The following NRG1 variants were observed in gnomAD, a reference collection of about 807,000 sequenced individuals.
The protein encoded by NRG1 is pro-neuregulin-1, membrane-bound isoform.
A neutral mutation model predicts 63.8 loss-of-function variants in NRG1; 18 were observed. The observed-to-expected ratio is 0.28, with a 90% CI of 0.19 to 0.42. The LOEUF is 0.42. Among genes scored for constraint, NRG1 ranks in the 10% least tolerant of loss-of-function variants. NRG1 has a pLI of 1.00. For missense variants in NRG1, 762 were observed against 814.7 expected, an observed-to-expected ratio of 0.94 and a Z score of 0.79; for synonymous variants, 302 against 301.3, an observed-to-expected ratio of 1.00 and a Z score of -0.02.
chr8:31,703,821 C>T lies in NRG1; in HGVS notation c.37+64390C>T, dbSNP rs551201329. Among the ~76,000 whole-genome samples the T allele has an allele frequency of 2.0e-5, 3 of 152,328 alleles. No homozygotes were observed. In the South Asian group the frequency reaches 6.2e-4, roughly 32 times the overall value. Reference sequence around the variant, plus strand: ...CATACTCAAATATTTGTGCTCTTAGCTTATTGCCACAGAGGAAAAGAGATT... The same window carrying T: ...CATACTCAAATATTTGTGCTCTTAGTTTATTGCCACAGAGGAAAAGAGATT... On this transcript the variant is annotated intron_variant, in intron 1 of 10. Transcript: ENST00000519301.
chr8:32,365,168 G>A (rs1379796891), intron 1 of NRG1, among the ~76,000 whole-genome samples: 2 of 152,012 alleles, frequency 1.3e-5, no homozygotes, highest in Non-Finnish European at 2.9e-5. Flanking sequence ...AATTACAGGC[G>A]AGAGCCAACT....
Position 32,527,820 on chromosome 8 carries a change from G to A in NRG1, c.38-68008G>A, listed in dbSNP as rs184947271. On this transcript the variant is annotated intron_variant, in intron 1 of 10. Coordinates refer to the NRG1 transcript ENST00000519301. ...CCCAGTTGCTTAGGTGGAAATCCAG[G>A]CATTTTCTTTGTTCCTCTTCTTTTT... is the stretch of plus-strand genomic sequence containing the variant. Among the ~76,000 whole-genome samples the A allele has an allele frequency of 7.2e-5, 11 of 152,122 alleles. No homozygotes were observed. The East Asian group carries it at 1.9e-3, about 27-fold the overall frequency.
chr8:32,481,357 T>TAAC (rs1554555255), intron 1 of NRG1, among the ~76,000 whole-genome samples: 1 of 151,038 alleles, frequency 6.6e-6, no homozygotes, highest in Non-Finnish European at 1.5e-5. Context: ...AATAAATAAA[T>TAAC]AAACAAACAA....
Position 32,740,796 on chromosome 8 carries a change from AC to A in NRG1, c.633-1878del, listed in dbSNP as rs746995441. 2.0e-5 allele frequency among the ~76,000 whole-genome samples: 3 copies of A among 152,292 alleles called. No individual in the cohort carries two copies. In the South Asian group the frequency reaches 6.2e-4, roughly 32 times the overall value. Reference sequence around the variant, plus strand: ...AAATGAAATTACCCCTATATTGGTAACAAGGAACAGTTTTGTTCATATCTCT... The same window carrying A: ...AAATGAAATTACCCCTATATTGGTAAAAGGAACAGTTTTGTTCATATCTCT... On this transcript the variant is annotated intron_variant, in intron 6 of 11. Transcript: ENST00000356819.
intron 1 of NRG1, among the ~76,000 whole-genome samples, chr8:31,837,710 C>A (rs1825817731): frequency 6.6e-6 from 1 of 152,040 alleles, no homozygotes; most frequent in African/African-American, 2.4e-5. Context: ...TTTCTAGATT[C>A]TACATGAGTG....
intron 1 of NRG1, among the ~76,000 whole-genome samples, chr8:32,550,339 T>C (rs1833883791): frequency 6.6e-6 from 1 of 152,182 alleles, no homozygotes; most frequent in Non-Finnish European, 1.5e-5. Context: ...GTTACCTCCC[T>C]GCGTGACTTT....
intron 7 of NRG1, among the ~76,000 whole-genome samples, chr8:32,744,624 C>A (rs1339338496): frequency 5.3e-5 from 8 of 152,056 alleles, no homozygotes; most frequent in African/African-American, 1.4e-4. Context: ...GCAGTAAAAT[C>A]ATATTTTAGA....
Position 32,696,910 on chromosome 8 carries a change from C to T in NRG1, c.503-31039C>T, listed in dbSNP as rs190360603. 3.7e-3 allele frequency among the ~76,000 whole-genome samples: 564 copies of T among 152,056 alleles called. 2 individuals carry two copies. The highest frequency in any genetic ancestry group is 0.017 in the Middle Eastern group (5 of 294). On this transcript the variant is annotated intron_variant, in intron 5 of 11. Coordinates refer to ENST00000356819, the Ensembl canonical transcript of NRG1. Reference sequence around the variant, plus strand: ...CTCTTGACATCAGGTGATCCACCCACCTCGACTTCCCAAAGTGCTGGGATT... The same window carrying T: ...CTCTTGACATCAGGTGATCCACCCATCTCGACTTCCCAAAGTGCTGGGATT...
At chr8:31,912,632 A>G (rs1435355956) in intron 1 of NRG1, among the ~76,000 whole-genome samples, 7 of 118,506 alleles carry the variant, frequency 5.9e-5, no homozygotes, top group African/African-American at 2.0e-4. Flanking sequence ...TTTGTCTATT[A>G]TTCAGGAGAT....
chr8:32,025,988 G>C (rs950613095), intron 1 of NRG1, among the ~76,000 whole-genome samples: 1 of 150,876 alleles, frequency 6.6e-6, no homozygotes, highest in African/African-American at 2.4e-5. Context: ...ACAGGTCTCA[G>C]GTCCTCTTTC....
At chr8:32,413,113 T>C (rs1286785512) in intron 1 of NRG1, among the ~76,000 whole-genome samples, 1 of 152,220 alleles carries the variant, frequency 6.6e-6, no homozygotes, top group Non-Finnish European at 1.5e-5. Context: ...TTCTTTGATC[T>C]AGCCATCTTA....
At chr8:32,001,498 A>T (rs327332) in intron 1 of NRG1, among the ~76,000 whole-genome samples, 116,644 of 151,928 alleles carry the variant, frequency 0.77, 45,214 homozygotes, top group Non-Finnish European at 0.8. Flanking sequence ...TAAGTCTTTA[A>T]TGGCAGCATG....
chr8:31,850,686 T>G (rs1212818061), intron 1 of NRG1, among the ~76,000 whole-genome samples: 1 of 152,164 alleles, frequency 6.6e-6, no homozygotes. Context: ...TTCATTGTCA[T>G]TGGACAATAT....
chr8:32,389,759 CTTT>C (rs201406660), intron 1 of NRG1, among the ~76,000 whole-genome samples: 110,224 of 145,780 alleles, frequency 0.76, 42,126 homozygotes, highest in Middle Eastern at 0.85. Flanking sequence ...GTCTTTCTTT[CTTT>C]TTTTTTTTTT....
At chr8:31,826,120 A>G (rs1008380295) in intron 1 of NRG1, among the ~76,000 whole-genome samples, 1 of 152,134 alleles carries the variant, frequency 6.6e-6, no homozygotes, top group Non-Finnish European at 1.5e-5. Flanking sequence ...ATAAAAGGCT[A>G]CATTTCCTAG....
chr8:32,000,505 A>C (rs984233362), intron 1 of NRG1, among the ~76,000 whole-genome samples: 2 of 151,816 alleles, frequency 1.3e-5, no homozygotes, highest in Non-Finnish European at 2.9e-5. Flanking sequence ...GGCCTCAAGC[A>C]ATCCTCCCAC....
At chr8:32,048,440 T>C (rs1821410970) in intron 1 of NRG1, among the ~76,000 whole-genome samples, 4 of 5,664 alleles carry the variant, frequency 7.1e-4, no homozygotes, top group African/African-American at 1.1e-3. Context: ...TACACATATA[T>C]ACATACATAT....
intron 1 of NRG1, among the ~76,000 whole-genome samples, chr8:31,719,061 A>G (rs1812644373): frequency 6.6e-6 from 1 of 152,212 alleles, no homozygotes; most frequent in Non-Finnish European, 1.5e-5. Flanking sequence ...TGATCTGGCT[A>G]AAACAACTCT....
At chr8:32,105,479 G>A (rs991051534) in intron 1 of NRG1, among the ~76,000 whole-genome samples, 2 of 152,090 alleles carry the variant, frequency 1.3e-5, no homozygotes, top group African/African-American at 4.8e-5. Context: ...CACAAGAATA[G>A]CATGGCAAAG....
Sources: allele counts gnomAD v4.1 joint callset (sites outside exome capture counted in the v4.1 genomes callset), GRCh38; gene constraint gnomAD v4.1.1; transcripts MANE v1.5; gene names NCBI Gene and HGNC (gene_info 2026-07-23, HGNC 2026-07-21).